Variants in KCNB2 observed in about 807,000 individuals in gnomAD.
The protein encoded by KCNB2 is potassium voltage-gated channel subfamily B member 2.
KCNB2 carries 15 observed loss-of-function variants against 61.5 expected under a neutral mutation model. That is an observed-to-expected ratio of 0.24 (90% CI 0.16 to 0.38). The LOEUF is 0.38. KCNB2 is among the 10% of genes least tolerant of loss of function. The probability of loss-of-function intolerance (pLI) is 1.00; values close to 1 mark genes in which losing one functional copy is unlikely to be tolerated. For synonymous variants in KCNB2, 457 were observed against 446.0 expected, an observed-to-expected ratio of 1.02 and a Z score of -0.31; for missense variants, 828 against 1,125.2, an observed-to-expected ratio of 0.74 and a Z score of 3.78.
intron 2 of KCNB2, among the ~76,000 whole-genome samples, chr8:72,864,220 C>T (rs1805470546): frequency 6.6e-6 from 1 of 152,132 alleles, no homozygotes; most frequent in Admixed American, 6.5e-5. Flanking sequence ...TTAAAGGACA[C>T]AAAAGTCATT....
intron 2 of KCNB2, among the ~76,000 whole-genome samples, chr8:72,686,581 T>A (rs985983573): frequency 1.3e-5 from 2 of 152,164 alleles, no homozygotes; most frequent in Non-Finnish European, 2.9e-5. Flanking sequence ...TAAGTTGGTA[T>A]TGAAGAGAGC....
At chr8:72,703,448 G>C (rs746394133) in intron 2 of KCNB2, among the ~76,000 whole-genome samples, 61 of 152,150 alleles carry the variant, frequency 4.0e-4, no homozygotes, top group Admixed American at 9.8e-4. Context: ...CTAGAGCTAG[G>C]GTGATCTTTC....
At chr8:72,929,441 A>C (rs1312228157) in intron 2 of KCNB2, among the ~76,000 whole-genome samples, 4 of 152,184 alleles carry the variant, frequency 2.6e-5, no homozygotes, top group Non-Finnish European at 4.4e-5. Context: ...TCAAGGGAGA[A>C]AAAAGGTTGT....
intron 2 of KCNB2, among the ~76,000 whole-genome samples, chr8:72,713,539 C>T (rs182638245): frequency 7.9e-5 from 12 of 152,312 alleles, no homozygotes; most frequent in African/African-American, 2.6e-4. Flanking sequence ...TGCTGATACC[C>T]AGGAAAACAG....
intron 2 of KCNB2, among the ~76,000 whole-genome samples, chr8:72,699,940 A>C (rs1346193020): frequency 6.6e-6 from 1 of 152,184 alleles, no homozygotes; most frequent in Non-Finnish European, 1.5e-5. Context: ...ATTTGGAACC[A>C]ACCCAAATGC....
chr8:72,936,243 G>T lies in KCNB2; in HGVS notation c.888G>T (p.Val296=). Residue 296 remains valine (V), a synonymous_variant, in exon 3 of 3, where the codon GTG becomes GTT. Coordinates refer to ENST00000523207, the MANE Select transcript of KCNB2 (RefSeq NM_004770.3). The surrounding 1 kb of genome is among the most constrained non-coding windows in gnomAD (Gnocchi z 5.6). Reference sequence around the variant, plus strand: ...AGAGCGTGCTGCAGTTCCAAAACGTGAGGCGCGTGGTCCAGATCTTCCGAA... The same window carrying T: ...AGAGCGTGCTGCAGTTCCAAAACGTTAGGCGCGTGGTCCAGATCTTCCGAA... The part of the protein sequence containing the change: ...SNKSVLQFQN[V]RRVVQIFRIM... The T allele has an allele frequency of 6.2e-7, 1 of 1,614,238 alleles. No homozygotes were observed. The highest frequency in any genetic ancestry group is 8.5e-7 in the Non-Finnish European group (1 of 1,180,036).
At chr8:72,842,375 G>T (rs563114891) in intron 2 of KCNB2, among the ~76,000 whole-genome samples, 2 of 152,296 alleles carry the variant, frequency 1.3e-5, no homozygotes, top group South Asian at 2.1e-4. Flanking sequence ...TGTTCATCAG[G>T]GATATTGCCC....
intron 2 of KCNB2, chr8:72,875,107 T>A (rs1178059108): frequency 6.7e-6 from 1 of 149,692 alleles, no homozygotes; most frequent in Non-Finnish European, 1.5e-5. Flanking sequence ...GTGATCTTTT[T>A]TCACAAAGAA....
At chr8:72,575,875 T>C (rs918493775) in intron 2 of KCNB2, among the ~76,000 whole-genome samples, 3 of 152,218 alleles carry the variant, frequency 2.0e-5, no homozygotes. Flanking sequence ...CTATAATTTT[T>C]TTAAAGAGTT....
chr8:72,625,011 A>G (rs1805767687), intron 2 of KCNB2, among the ~76,000 whole-genome samples: 1 of 152,190 alleles, frequency 6.6e-6, no homozygotes, highest in Non-Finnish European at 1.5e-5. Flanking sequence ...TTCCACCAAC[A>G]AAAGCAGATC....
chr8:72,583,132 A>G (rs1483410444), intron 2 of KCNB2, among the ~76,000 whole-genome samples: 2 of 152,164 alleles, frequency 1.3e-5, no homozygotes, highest in East Asian at 3.9e-4. Context: ...TTTTATCAGC[A>G]TGCTACTTGG....
chr8:72,664,935 G>A (rs927317928), intron 2 of KCNB2, among the ~76,000 whole-genome samples: 15 of 152,156 alleles, frequency 9.9e-5, no homozygotes, highest in African/African-American at 3.6e-4. Context: ...CGTGGCAGGA[G>A]AATGCCTGCA....
At chr8:72,717,895 A>C (rs1054510918) in intron 2 of KCNB2, among the ~76,000 whole-genome samples, 4 of 152,214 alleles carry the variant, frequency 2.6e-5, no homozygotes, top group Non-Finnish European at 5.9e-5. Flanking sequence ...AATGGGAGAA[A>C]ATTTTTGCAA....
At chr8:72,798,357 G>A (rs1380925028) in intron 2 of KCNB2, among the ~76,000 whole-genome samples, 1 of 152,172 alleles carries the variant, frequency 6.6e-6, no homozygotes, top group East Asian at 1.9e-4. Flanking sequence ...GCCCTGACAC[G>A]CCTACTGGAA....
intron 2 of KCNB2, among the ~76,000 whole-genome samples, chr8:72,620,416 G>A (rs772872633): frequency 2.0e-5 from 3 of 152,188 alleles, no homozygotes; most frequent in Non-Finnish European, 2.9e-5. Context: ...CTATCTAGAA[G>A]TAGTTAATAG....
chr8:72,660,085 C>G (rs975542244), intron 2 of KCNB2, among the ~76,000 whole-genome samples: 19 of 152,170 alleles, frequency 1.2e-4, no homozygotes, highest in African/African-American at 4.3e-4. Flanking sequence ...TCAGTTGGAT[C>G]CATTGTATAA....
At chr8:72,912,442 C>A (rs1017718764) in intron 2 of KCNB2, among the ~76,000 whole-genome samples, 5 of 149,916 alleles carry the variant, frequency 3.3e-5, no homozygotes, top group African/African-American at 1.2e-4. Context: ...CCTACAGTAA[C>A]CTTAGTGCCT....
intron 2 of KCNB2, among the ~76,000 whole-genome samples, chr8:72,583,504 G>T (rs1031524912): frequency 4.0e-5 from 6 of 151,614 alleles, no homozygotes; most frequent in African/African-American, 1.5e-4. Flanking sequence ...ATTATTTTCA[G>T]TTCTGCTGTT....
At chr8:72,635,874 C>A in intron 2 of KCNB2, among the ~76,000 whole-genome samples, 1 of 152,190 alleles carries the variant, frequency 6.6e-6, no homozygotes, top group Non-Finnish European at 1.5e-5. Flanking sequence ...TAGAGAGAAT[C>A]GGTCTGATTT....
Sources: gnomAD v4.1 joint callset for allele counts (sites outside exome capture counted in the v4.1 genomes callset) on GRCh38, gnomAD v4.1.1 for gene constraint, Gnocchi (gnomAD v3.1) non-coding constraint, MANE v1.5 for transcripts, NCBI Gene and HGNC (gene_info 2026-07-23, HGNC 2026-07-21) for gene names.